Variants in OCA2 observed in about 807,000 individuals in gnomAD.
OCA2 encodes P protein.
Under a neutral mutation model 100.2 loss-of-function variants are expected in OCA2, and 77 were observed. That is an observed-to-expected ratio of 0.77 (90% confidence interval 0.64 to 0.93). The LOEUF is 0.93. Among genes scored for constraint, OCA2 ranks in the 40% least tolerant of loss-of-function variants. The pLI, the probability that OCA2 is intolerant of heterozygous loss-of-function variation, is 0.00. For synonymous variants in OCA2, 432 were observed against 439.2 expected (o/e 0.98, Z 0.21); for missense variants, 1,062 against 1,089.1 (o/e 0.98, Z 0.35).
At chr15:27,877,792 T>C (rs2036852655) in intron 19 of OCA2, among the ~76,000 whole-genome samples, 1 of 151,980 alleles carries the variant, frequency 6.6e-6, no homozygotes, top group Non-Finnish European at 1.5e-5. Context: ...CTTCCTTATC[T>C]GCTTTCTCAA....
At chr15:27,955,020 T>C (rs527313061) in intron 17 of OCA2, 138 bp downstream of exon 17, 47 of 765,970 alleles carry the variant, frequency 6.1e-5, no homozygotes, top group East Asian at 4.4e-4. Flanking sequence ...CTCACACACA[T>C]AAACCTCAAC....
chr15:27,768,578 T>C (rs2031469156), intron 23 of OCA2, among the ~76,000 whole-genome samples: 1 of 152,244 alleles, frequency 6.6e-6, no homozygotes, highest in Non-Finnish European at 1.5e-5. Context: ...AACTCTCTTG[T>C]AACTGCAGCT....
chr15:28,014,951 T>TG, intron 8 of OCA2, 22 bp from the exon 9 acceptor site: 1 of 1,613,666 alleles, frequency 6.2e-7, no homozygotes, highest in Non-Finnish European at 8.5e-7. Flanking sequence ...AACAACGACC[T>TG]TACTGTTCAC....
rs558151814 is a variant in OCA2 at position 27,972,796 on chromosome 15, G to A, written c.1504-5974C>T. 1.8e-4 allele frequency among the ~76,000 whole-genome samples: 27 copies of A among 150,406 alleles called. No individual in the cohort carries two copies. The South Asian group carries it at 5.8e-3, about 32-fold the overall frequency. On this transcript the variant is annotated intron_variant, in intron 14 of 23. Transcript: ENST00000354638. ...GTTTGCAAACATTGTCTCCCATTCT[G>A]TAGGTTTTCTGTTTACTTTGATGGT...
intron 19 of OCA2, among the ~76,000 whole-genome samples, chr15:27,912,235 G>T (rs566518272): frequency 1.3e-5 from 2 of 152,306 alleles, no homozygotes; most frequent in South Asian, 4.1e-4. Flanking sequence ...GCTGATTGCG[G>T]AGGCCTAGAT....
intron 15 of OCA2, among the ~76,000 whole-genome samples, chr15:27,959,877 A>C (rs1243775086): frequency 1.3e-5 from 2 of 152,226 alleles, no homozygotes; most frequent in African/African-American, 4.8e-5. Flanking sequence ...CAGGTAGTAC[A>C]CTTTTGTATT....
the OCA2 span, among the ~76,000 whole-genome samples, chr15:27,736,670 CAAGTGTT>C: frequency 6.6e-6 from 1 of 152,214 alleles, no homozygotes; most frequent in Non-Finnish European, 1.5e-5. Context: ...ATAATGGCCT[CAAGTGTT>C]GTCACAGAAA....
chr15:27,972,877 TA>T (rs1567177447), intron 14 of OCA2, among the ~76,000 whole-genome samples: 1 of 56,156 alleles, frequency 1.8e-5, no homozygotes, highest in African/African-American at 3.8e-5. Flanking sequence ...TATTTTATTT[TA>T]TTTTTGTGAC....
the OCA2 span, among the ~76,000 whole-genome samples, chr15:27,749,664 A>G: frequency 6.6e-6 from 1 of 152,204 alleles, no homozygotes. Flanking sequence ...GGATCTACAC[A>G]CACAAATCAA....
At chr15:27,729,289 A>ATTTTTTTTTTTTTTTTTTTTTTTTTTTT in the OCA2 span, among the ~76,000 whole-genome samples, 1 of 111,218 alleles carries the variant, frequency 9.0e-6, no homozygotes, top group Admixed American at 9.9e-5. Flanking sequence ...ATTATCATCT[A>ATTTTTTTTTTTTTTTTTTTTTTTTTTTT]TTTTTTTTTT....
At chr15:28,079,437 C>T (rs1379679584) in intron 2 of OCA2, among the ~76,000 whole-genome samples, 1 of 152,184 alleles carries the variant, frequency 6.6e-6, no homozygotes, top group African/African-American at 2.4e-5. Context: ...TGGCCACACA[C>T]CTGCCCAGGA....
chr15:27,729,638 G>A, the OCA2 span, among the ~76,000 whole-genome samples: 1 of 152,110 alleles, frequency 6.6e-6, no homozygotes, highest in Non-Finnish European at 1.5e-5. Flanking sequence ...AGCAACTGGA[G>A]CATCACAGCC....
intron 3 of OCA2, among the ~76,000 whole-genome samples, chr15:28,031,435 T>C (rs1281823530): frequency 2.6e-5 from 4 of 152,198 alleles, no homozygotes; most frequent in African/African-American, 9.6e-5. Context: ...GAAAAGAAGA[T>C]TGAGGCTGCA....
intron 19 of OCA2, among the ~76,000 whole-genome samples, chr15:27,873,140 G>C (rs552524677): frequency 6.6e-6 from 1 of 152,348 alleles, no homozygotes; most frequent in Non-Finnish European, 1.5e-5. Flanking sequence ...GTCATAAGGA[G>C]AATCTCTTTA....
At chr15:27,920,038 G>A (rs748222276) in intron 19 of OCA2, among the ~76,000 whole-genome samples, 22 of 152,018 alleles carry the variant, frequency 1.4e-4, no homozygotes, top group Non-Finnish European at 2.9e-4. Flanking sequence ...TTAACAGAGA[G>A]GCCAGGGAAA....
chr15:28,093,053 T>C (rs1175392768), intron 1 of OCA2, among the ~76,000 whole-genome samples: 2 of 151,752 alleles, frequency 1.3e-5, no homozygotes, highest in African/African-American at 2.4e-5. Context: ...ACACGGCAAC[T>C]AAGCACGTGA....
intron 21 of OCA2, among the ~76,000 whole-genome samples, chr15:27,860,805 G>A (rs1006002312): frequency 2.0e-5 from 3 of 152,176 alleles, no homozygotes; most frequent in Non-Finnish European, 4.4e-5. Flanking sequence ...ATCTCCTTTG[G>A]GTATACACTC....
intron 9 of OCA2, among the ~76,000 whole-genome samples, chr15:28,014,036 G>T (rs2042313445): frequency 6.6e-6 from 1 of 152,080 alleles, no homozygotes; most frequent in South Asian, 2.1e-4. Flanking sequence ...CCTCCAGCCT[G>T]CCATCTCCTC....
intron 2 of OCA2, among the ~76,000 whole-genome samples, chr15:28,063,277 T>C (rs1434911312): frequency 6.6e-6 from 1 of 152,182 alleles, no homozygotes; most frequent in Non-Finnish European, 1.5e-5. Context: ...TCCATTCTTT[T>C]ACCTTCAGCC....
Sources: gnomAD v4.1 joint callset for allele counts (sites outside exome capture counted in the v4.1 genomes callset) on GRCh38, gnomAD v4.1.1 for gene constraint, MANE v1.5 for transcripts, NCBI Gene and HGNC (gene_info 2026-07-23, HGNC 2026-07-21) for gene names.